TACC2: variants seen among roughly 807,000 people sequenced by gnomAD.
TACC2 encodes the protein transforming acidic coiled-coil-containing protein 2.
TACC2 carries 137 observed loss-of-function variants against 227.3 expected under a neutral mutation model. The ratio of observed to expected loss-of-function variants is 0.60; its 90% CI spans 0.52 to 0.69. TACC2 has a LOEUF of 0.69. Among genes scored for constraint, TACC2 ranks in the 30% least tolerant of loss-of-function variants. TACC2 has a pLI of 0.00. For missense variants in TACC2, 3,470 were observed against 3,694.4 expected (o/e 0.94, Z 1.57); for synonymous variants, 1,523 against 1,487.5 (o/e 1.02, Z -0.55).
At chr10:122,137,713 G>A (rs911481810) in intron 6 of TACC2, among the ~76,000 whole-genome samples, 2 of 152,184 alleles carry the variant, frequency 1.3e-5, no homozygotes, top group Non-Finnish European at 2.9e-5. Flanking sequence ...TGACAACCCA[G>A]ATATGCTGCC....
chr10:122,228,833 C>G (rs1250745212), intron 14 of TACC2, among the ~76,000 whole-genome samples: 1 of 152,122 alleles, frequency 6.6e-6, no homozygotes, highest in East Asian at 1.9e-4. Flanking sequence ...CATGAATACT[C>G]TGAAGCACAC....
chr10:122,082,791 C>A lies in TACC2; in HGVS notation c.291C>A (p.Ser97Arg), dbSNP rs754078377. The A allele has an allele frequency of 2.5e-6, 4 of 1,613,702 alleles. No homozygotes were observed. The highest frequency in any genetic ancestry group is 4.5e-5 in the East Asian group (2 of 44,868). ...GGCCAGAAGGTTCTTTGCTGCCCAG[C>A]CCACCACCGTCCCAGGAGCGAGAGC... ...ARGPEGSLLP[S>R]PPPSQEREHP... is the part of the protein sequence containing the mutation. The change falls in exon 4 of 23, where the codon AGC (serine) becomes AGA (arginine). Residue 97 changes from serine (S) to arginine (R), a missense_variant. Transcript: ENST00000369005.
In TACC2 at chr10:122,086,828, C is replaced by T; in HGVS notation, c.4328C>T (p.Thr1443Ile). 1 of 1,613,942 alleles carries T rather than the reference C, an allele frequency of 6.2e-7. No homozygotes were observed. The highest frequency in any genetic ancestry group is 8.5e-7 in the Non-Finnish European group (1 of 1,179,980). ...AGGAGTGCAGTGGGTAAAGACCTCA[C>T]CAGGCCATTGGGCCCAGAGAAGCTT... Reference protein sequence around the residue: ...AGRSAVGKDLTRPLGPEKLLD... With the variant: ...AGRSAVGKDLIRPLGPEKLLD... Residue 1443 changes from threonine (T) to isoleucine (I), a missense_variant, in exon 4 of 23, where the codon ACC becomes ATC. Coordinates refer to ENST00000369005, the MANE Select transcript of TACC2 (RefSeq NM_206862.4).
chr10:122,012,418 C>CAAAAAAGAAAAAAAAAAAAAA (rs1956055426), intron 1 of TACC2, among the ~76,000 whole-genome samples: 1 of 60,726 alleles, frequency 1.6e-5, no homozygotes. Flanking sequence ...GACTCCGTCT[C>CAAAAAAGAAAAAAAAAAAAAA]AAAAAAAAAA....
At chr10:122,032,967 C>G (rs563177869) in intron 2 of TACC2, 5 of 511,618 alleles carry the variant, frequency 9.8e-6, no homozygotes, top group Non-Finnish European at 1.2e-5. Flanking sequence ...CTCAACAAAA[C>G]AACAAAACAA....
chr10:122,242,919 G>C (rs1249771161), intron 19 of TACC2, among the ~76,000 whole-genome samples: 4 of 152,074 alleles, frequency 2.6e-5, no homozygotes, highest in Non-Finnish European at 5.9e-5. Context: ...CAAGGCGTGA[G>C]CTACCATGCC....
chr10:122,087,362 CAG>C lies in TACC2; in HGVS notation c.4863_4864del (p.Val1623SerfsTer22). 1 of 1,614,066 alleles carries C rather than the reference CAG, an allele frequency of 6.2e-7. No individual in the cohort carries two copies. The highest frequency in any genetic ancestry group is 1.1e-5 in the South Asian group (1 of 91,084). On this transcript the variant is annotated frameshift_variant, in exon 4 of 23. Transcript: ENST00000369005. LOFTEE classifies it high-confidence loss of function. ...GATGGTCCCGGGGACTTTGCTCACA[CAG>C]GGGTTCCAGGACATGTGCCAAGGTC...
rs151146332 is a variant in TACC2, at chr10:122,084,615, A to C, written c.2115A>C (p.Glu705Asp). The C allele has an allele frequency of 4.3e-5, 69 of 1,613,842 alleles. No homozygotes were observed. Among genetic ancestry groups the C allele is most frequent in the Admixed American group, 1.0e-4 (6 of 60,030 alleles). ...PKCPDTLQSR[E>D]GLGRMESFLT... ...GTCCTGACACCCTTCAGAGCAGGGA[A>C]GGATTGGGAAGAATGGAGTCTTTCC... Residue 705 changes from glutamate to aspartate, a missense_variant, in exon 4 of 23, where the codon GAA (glutamate) becomes GAC (aspartate). Glu to Asp is a conservative substitution (Grantham distance 45). Transcript: ENST00000369005.
rs1211066156 is a variant in TACC2 at position 122,086,393 on chromosome 10, G to A, written c.3893G>A (p.Gly1298Glu). 2 of 1,613,674 alleles carry A rather than the reference G, an allele frequency of 1.2e-6. No homozygotes were observed. The highest frequency in any genetic ancestry group is 2.7e-5 in the African/African-American group (2 of 75,054). Residue 1298 changes from glycine to glutamate, a missense_variant, in exon 4 of 23, where the codon GGA becomes GAA. Transcript: ENST00000369005. ...AGSLAPLLQP[G>E]AAGGEIPAVQ... ...TCCCTCGCCCCCCTGTTGCAACCAG[G>A]AGCTGCAGGTGGGGAAATCCCTGCA... is the stretch of plus-strand genomic sequence containing the variant.
intron 1 of TACC2, among the ~76,000 whole-genome samples, chr10:121,990,718 TAATGTGCC>T (rs1952993004): frequency 3.9e-5 from 6 of 152,220 alleles, no homozygotes; most frequent in Admixed American, 3.3e-4. Flanking sequence ...TCTCATCAGC[TAATGTGCC>T]TTCTCCAGTT....
At chr10:121,995,666 T>C (rs1392272873) in intron 1 of TACC2, among the ~76,000 whole-genome samples, 1 of 152,152 alleles carries the variant, frequency 6.6e-6, no homozygotes, top group East Asian at 1.9e-4. Context: ...TCTGCTGCCG[T>C]CTCAGGAAGC....
chr10:122,249,260 G>T (rs1312626257), intron 21 of TACC2, 104 bp downstream of exon 21: 2 of 847,064 alleles, frequency 2.4e-6, no homozygotes, highest in Non-Finnish European at 3.8e-6. Context: ...GCTTGGAAAG[G>T]GGGCATCATC....
intron 2 of TACC2, among the ~76,000 whole-genome samples, chr10:122,037,376 G>C (rs775098073): frequency 6.6e-6 from 1 of 152,162 alleles, no homozygotes; most frequent in African/African-American, 2.4e-5. Flanking sequence ...ACTGGGATTT[G>C]AGCCTGTATG....
At chr10:122,158,418 A>T (rs1017920584) in intron 7 of TACC2, among the ~76,000 whole-genome samples, 9 of 152,072 alleles carry the variant, frequency 5.9e-5, no homozygotes, top group Non-Finnish European at 1.2e-4. Context: ...AAAACAAAAA[A>T]GAAAACCCAA....
At chr10:122,137,353 C>T (rs1328689255) in intron 6 of TACC2, among the ~76,000 whole-genome samples, 1 of 150,392 alleles carries the variant, frequency 6.6e-6, no homozygotes, top group Non-Finnish European at 1.5e-5. Flanking sequence ...TGTGGTGGTG[C>T]GTGCCTGTAG....
chr10:122,061,791 G>A (rs1335036405), intron 3 of TACC2, among the ~76,000 whole-genome samples: 1 of 152,094 alleles, frequency 6.6e-6, no homozygotes, highest in Non-Finnish European at 1.5e-5. Flanking sequence ...AAATGCCCTA[G>A]GTGGGGTCTC....
At chr10:122,035,267 G>C (rs1001054997) in intron 2 of TACC2, among the ~76,000 whole-genome samples, 2 of 152,186 alleles carry the variant, frequency 1.3e-5, no homozygotes, top group African/African-American at 4.8e-5. Flanking sequence ...CATTTGGGAA[G>C]CCCCTCCCTG....
chr10:122,086,824 C>A lies in TACC2; in HGVS notation c.4324C>A (p.Leu1442Ile), dbSNP rs1394172349. ...TGGGAGGAGTGCAGTGGGTAAAGACCTCACCAGGCCATTGGGCCCAGAGAA... is the reference window on the plus strand; with the variant it reads ...TGGGAGGAGTGCAGTGGGTAAAGACATCACCAGGCCATTGGGCCCAGAGAA... ...GAGRSAVGKD[L>I]TRPLGPEKLL... The change falls in exon 4 of 23, where the codon CTC becomes ATC. Residue 1442 changes from leucine (L) to isoleucine (I), a missense_variant. Around this residue, in one of 10 missense-constraint regions of TACC2, gnomAD observed 1,924 missense variants for 1,978.3 expected, o/e 0.97. Coordinates refer to ENST00000369005, the MANE Select transcript of TACC2 (RefSeq NM_206862.4). The A allele has an allele frequency of 4.3e-6, 7 of 1,613,928 alleles. No individual in the cohort carries two copies. The highest frequency in any genetic ancestry group is 3.3e-4 in the Middle Eastern group (2 of 6,060).
chr10:122,070,851 G>C (rs1347647699), intron 3 of TACC2, among the ~76,000 whole-genome samples: 1 of 151,974 alleles, frequency 6.6e-6, no homozygotes, highest in African/African-American at 2.4e-5. Context: ...CTTGAGCCTG[G>C]AGGCAGAGGT....
Sources: gnomAD v4.1 joint callset for allele counts (sites outside exome capture counted in the v4.1 genomes callset) on GRCh38, gnomAD v4.1.1 for gene constraint, gnomAD v4.1.1 regional missense constraint, MANE v1.5 for transcripts, NCBI Gene and HGNC (gene_info 2026-07-23, HGNC 2026-07-21) for gene names.